The following ABCA10 variants were observed in gnomAD, a reference collection of about 807,000 sequenced individuals.
The protein encoded by ABCA10 is ATP binding cassette subfamily A member 10, also known as ATP-binding cassette sub-family A member 10.
Under a neutral mutation model 187.5 loss-of-function variants are expected in ABCA10, and 169 were observed. The ratio of observed to expected loss-of-function variants is 0.90; its 90% confidence interval spans 0.80 to 1.02. ABCA10 has a LOEUF of 1.02. ABCA10 is among the 50% of genes least tolerant of loss of function. ABCA10 has a pLI of 0.00. For synonymous variants in ABCA10, 574 were observed against 601.8 expected, an observed-to-expected ratio of 0.95 and a Z score of 0.68; for missense variants, 1,727 against 1,812.4, an observed-to-expected ratio of 0.95 and a Z score of 0.86.
chr17:69,159,861 T>C (rs1165806298), intron 27 of ABCA10, among the ~76,000 whole-genome samples: 2 of 152,070 alleles, frequency 1.3e-5, no homozygotes, highest in South Asian at 4.1e-4. Flanking sequence ...TATGCTCAAA[T>C]AATCTTCAAC....
chr17:69,232,176 G>GT (rs1002186444), upstream of ABCA10, among the ~76,000 whole-genome samples: 4 of 151,858 alleles, frequency 2.6e-5, no homozygotes, highest in African/African-American at 9.7e-5. Context: ...GTTGGGTCTT[G>GT]TTTTTTATTC....
intron 7 of ABCA10, 48 bp downstream of exon 7, chr17:69,216,169 T>C: frequency 6.4e-7 from 1 of 1,569,562 alleles, no homozygotes; most frequent in African/African-American, 1.4e-5. Context: ...TGCTCATGTA[T>C]CTGTAATCTG....
intron 25 of ABCA10, among the ~76,000 whole-genome samples, chr17:69,172,706 GAAGAA>G (rs1051228237): frequency 1.8e-4 from 28 of 151,816 alleles, no homozygotes; most frequent in African/African-American, 6.8e-4. Context: ...ACAAAAAAGG[GAAGAA>G]AAAAGAGAAA....
At chr17:69,218,693 G>A (rs541322591) in intron 6 of ABCA10, among the ~76,000 whole-genome samples, 41 of 152,250 alleles carry the variant, frequency 2.7e-4, no homozygotes, top group Non-Finnish European at 5.4e-4. Context: ...TATAGATGGA[G>A]AGAGATGTCT....
At position 69,174,379 on chromosome 17, in the gene ABCA10, C is replaced by A; in HGVS notation, c.3064G>T (p.Gly1022Cys). The change falls in exon 25 of 39, where the codon GGT (glycine) becomes TGT (cysteine). Residue 1022 changes from glycine to cysteine, a missense_variant. Gly to Cys is a radical substitution (Grantham distance 159). Coordinates refer to ENST00000690296, the MANE Select transcript of ABCA10 (RefSeq NM_001377321.1). ...AGGAATATAAGAGAAACTGCACAAC[C>A]AATTATGCATACCACCTGCAAATAA... ...LMFVLVVCIIGCAVSLIFLTY... is the reference protein window; with the variant it reads ...LMFVLVVCIICCAVSLIFLTY... The A allele has an allele frequency of 6.3e-7, 1 of 1,594,124 alleles. No homozygotes were observed. Among genetic ancestry groups the A allele is most frequent in the Non-Finnish European group, 8.5e-7 (1 of 1,173,074 alleles).
At position 69,216,279 on chromosome 17, in the gene ABCA10, T is replaced by C. The variant is rs188500748; in HGVS notation, c.610A>G (p.Ile204Val). ...ACCATGAAGCCAGTATGAAATACAA[T>C]TGGGATTGATGTTATGACCAGAGCC... ...FMALVITSIP[I>V]VFHTGFMVIF... The change falls in exon 7 of 39, where the codon ATT becomes GTT. Residue 204 changes from isoleucine (I) to valine (V), a missense_variant. Coordinates refer to ENST00000690296, the MANE Select transcript of ABCA10 (RefSeq NM_001377321.1). 13 of 1,613,598 alleles carry C rather than the reference T, an allele frequency of 8.1e-6. No individual in the cohort carries two copies. The highest frequency in any genetic ancestry group is 5.0e-5 in the Admixed American group (3 of 60,010).
intron 27 of ABCA10, among the ~76,000 whole-genome samples, chr17:69,162,654 C>A (rs933405140): frequency 1.3e-5 from 2 of 151,996 alleles, no homozygotes; most frequent in Admixed American, 6.6e-5. Context: ...ATGTAAATGG[C>A]ACCCATTTTT....
chr17:69,197,157 A>G (rs1295878453), intron 10 of ABCA10, 35 bp from the exon 11 acceptor site: 1 of 1,457,346 alleles, frequency 6.9e-7, no homozygotes, highest in Admixed American at 1.7e-5. Flanking sequence ...ATGTAAATGC[A>G]TTTTCTAGTA....
At chr17:69,225,002 TTTAAG>T (rs1238481614) in intron 3 of ABCA10, among the ~76,000 whole-genome samples, 3 of 152,166 alleles carry the variant, frequency 2.0e-5, no homozygotes, top group Non-Finnish European at 2.9e-5. Flanking sequence ...TATAAAGTTT[TTTAAG>T]TTAAGTTTTG....
At chr17:69,163,318 T>G (rs1273239648) in intron 27 of ABCA10, among the ~76,000 whole-genome samples, 1 of 152,138 alleles carries the variant, frequency 6.6e-6, no homozygotes, top group Non-Finnish European at 1.5e-5. Context: ...TAGAATTTAT[T>G]TGAAAAATAA....
At chr17:69,154,925 C>A in intron 30 of ABCA10, 94 bp downstream of exon 30, 1 of 793,132 alleles carries the variant, frequency 1.3e-6, no homozygotes, top group Non-Finnish European at 2.0e-6. Flanking sequence ...GATATATGAA[C>A]AGTCTCAATG....
rs201981119 is a variant in ABCA10, at chr17:69,164,907, A to C, written c.3282+57T>G. On this transcript the variant is annotated intron_variant, in intron 26 of 38. Coordinates refer to ENST00000690296, the MANE Select transcript of ABCA10 (RefSeq NM_001377321.1). ...GCACCTGTTCCGACAATGGGTAAGG[A>C]TTTTATTAATGGGCTACAAGGTCAA... is the stretch of plus-strand genomic sequence containing the variant. The C allele has an allele frequency of 1.9e-3, 2,990 of 1,561,102 alleles. 7 individuals carry two copies. Among genetic ancestry groups the C allele is most frequent in the Non-Finnish European group, 2.3e-3 (2,636 of 1,151,106 alleles).
chr17:69,241,499 T>C (rs548093468), intron 1 of ABCA10, among the ~76,000 whole-genome samples: 3 of 152,340 alleles, frequency 2.0e-5, no homozygotes, highest in African/African-American at 7.2e-5. Flanking sequence ...TGAATGTCAA[T>C]AAAATGTCCA....
chr17:69,190,505 G>A lies in ABCA10; in HGVS notation c.2012-28C>T, dbSNP rs200730010. 809 of 1,531,934 alleles carry A rather than the reference G, an allele frequency of 5.3e-4. 4 individuals are homozygous for A. The highest frequency in any genetic ancestry group is 6.2e-4 in the Non-Finnish European group (711 of 1,149,576). The allele number at this position is 1,531,934 out of a possible 1,614,324, so 94.9% of individuals were successfully genotyped here. On this transcript the variant is annotated intron_variant, in intron 17 of 38. Transcript: ENST00000690296. ...AAAAAGCCAATAGTAATAAGTCAACGCAATTAAAATTATCAATGAGTATAT... is the reference window on the plus strand; with the variant it reads ...AAAAAGCCAATAGTAATAAGTCAACACAATTAAAATTATCAATGAGTATAT...
intron 9 of ABCA10, among the ~76,000 whole-genome samples, chr17:69,204,566 T>C (rs1167847100): frequency 6.6e-6 from 1 of 152,228 alleles, no homozygotes; most frequent in African/African-American, 2.4e-5. Flanking sequence ...TATCCTCTTA[T>C]TATACTTCTT....
At chr17:69,223,684 G>A (rs1408490071) in intron 3 of ABCA10, 1 of 449,696 alleles carries the variant, frequency 2.2e-6, no homozygotes, top group Non-Finnish European at 4.5e-6. Flanking sequence ...CTTTTATGAG[G>A]ACAGTGCTAA....
At chr17:69,189,242 G>T (rs544362209) in intron 18 of ABCA10, among the ~76,000 whole-genome samples, 1 of 152,146 alleles carries the variant, frequency 6.6e-6, no homozygotes, top group Admixed American at 6.5e-5. Context: ...GTGTGAGATG[G>T]TATCTCGTGG....
chr17:69,187,971 G>A lies in ABCA10; in HGVS notation c.2132-92C>T, dbSNP rs151032355. 3.2e-3 allele frequency: 3,695 copies of A among 1,172,830 alleles called. 10 individuals are homozygous for A. The highest frequency in any genetic ancestry group is 4.0e-3 in the Non-Finnish European group (3,309 of 829,594). The allele number at this position is 1,172,830 out of a possible 1,614,324, so 72.7% of individuals were successfully genotyped here. ...AAATGATGTTAGACTATTTGAAACA[G>A]CACTTCCAACAAGTTAAGCTACTGA... is the stretch of plus-strand genomic sequence containing the variant. On this transcript the variant is annotated intron_variant, in intron 18 of 38. Transcript: ENST00000690296.
intron 22 of ABCA10, among the ~76,000 whole-genome samples, chr17:69,179,187 A>C (rs1013698360): frequency 1.9e-5 from 2 of 107,698 alleles, no homozygotes; most frequent in African/African-American, 5.9e-5. Context: ...CATCTCAAAA[A>C]AAAACAAAAA....
Sources: allele counts gnomAD v4.1 joint callset (sites outside exome capture counted in the v4.1 genomes callset), GRCh38; gene constraint gnomAD v4.1.1; transcripts MANE v1.5; gene names NCBI Gene and HGNC (gene_info 2026-07-23, HGNC 2026-07-21).